The following GPHN variants were observed in gnomAD, a reference collection of about 807,000 sequenced individuals.
GPHN encodes the protein gephyrin.
A neutral mutation model predicts 95.5 loss-of-function variants in GPHN; 17 were observed. The observed-to-expected ratio is 0.18, with a 90% CI of 0.12 to 0.27. GPHN has a LOEUF of 0.27. Among genes scored for constraint, GPHN ranks in the 10% least tolerant of loss-of-function variants. GPHN has a pLI of 1.00. For missense variants in GPHN, 660 were observed against 978.1 expected, an observed-to-expected ratio of 0.67 and a Z score of 4.34; for synonymous variants, 320 against 322.5, an observed-to-expected ratio of 0.99 and a Z score of 0.08.
At chr14:67,397,375 T>C in the GPHN span, among the ~76,000 whole-genome samples, 1 of 152,196 alleles carries the variant, frequency 6.6e-6, no homozygotes, top group Non-Finnish European at 1.5e-5. Flanking sequence ...TCCCAGCCCA[T>C]ACAGTGCTCT....
At chr14:66,633,973 C>A (rs1218932045) in intron 1 of GPHN, among the ~76,000 whole-genome samples, 1 of 148,300 alleles carries the variant, frequency 6.7e-6, no homozygotes, top group Non-Finnish European at 1.5e-5. Flanking sequence ...TTAATAATAT[C>A]TATCTCTGTT....
chr14:67,686,756 A>G, the GPHN span, among the ~76,000 whole-genome samples: 1 of 151,966 alleles, frequency 6.6e-6, no homozygotes. Context: ...ACATACTTCA[A>G]TTTTTTTCTC....
intron 1 of GPHN, among the ~76,000 whole-genome samples, chr14:66,677,626 A>G (rs957445072): frequency 6.6e-6 from 1 of 152,038 alleles, no homozygotes; most frequent in African/African-American, 2.4e-5. Context: ...GTTTTACTCC[A>G]TTATGGTTTG....
the GPHN span, among the ~76,000 whole-genome samples, chr14:67,339,286 C>T: frequency 2.6e-4 from 40 of 152,202 alleles, no homozygotes; most frequent in East Asian, 7.3e-3. Context: ...CATGAGCCAC[C>T]GAGCCCAGCC....
chr14:67,247,825 C>T, the GPHN span, among the ~76,000 whole-genome samples: 8 of 152,048 alleles, frequency 5.3e-5, no homozygotes, highest in Non-Finnish European at 2.9e-5. Flanking sequence ...GCGATCTGCC[C>T]ACCTCAGCCT....
chr14:67,275,441 G>A, the GPHN span, among the ~76,000 whole-genome samples: 1 of 152,138 alleles, frequency 6.6e-6, no homozygotes, highest in African/African-American at 2.4e-5. Flanking sequence ...TGCGTATGTT[G>A]AACCAGCCTT....
At chr14:66,579,141 T>G (rs1194053689) in intron 1 of GPHN, among the ~76,000 whole-genome samples, 1 of 151,830 alleles carries the variant, frequency 6.6e-6, no homozygotes, top group Admixed American at 6.6e-5. Flanking sequence ...AATAGCCTGT[T>G]ACAACCGTAA....
the GPHN span, among the ~76,000 whole-genome samples, chr14:67,544,036 G>C: frequency 6.6e-6 from 1 of 152,124 alleles, no homozygotes; most frequent in Admixed American, 6.6e-5. Flanking sequence ...GGACTGGCCA[G>C]CTGGAGGTTG....
the GPHN span, among the ~76,000 whole-genome samples, chr14:67,457,279 A>C: frequency 2.6e-5 from 4 of 152,298 alleles, no homozygotes; most frequent in East Asian, 7.7e-4. Flanking sequence ...CAACAATTTG[A>C]AAAGTTAGAA....
intron 1 of GPHN, among the ~76,000 whole-genome samples, chr14:66,621,303 G>A (rs2153316636): frequency 6.7e-6 from 1 of 148,208 alleles, no homozygotes; most frequent in African/African-American, 2.5e-5. Flanking sequence ...TTGTAGTAGA[G>A]ATGGGATTTC....
At chr14:67,090,092 T>C (rs1462564262) in intron 12 of GPHN, among the ~76,000 whole-genome samples, 1 of 152,170 alleles carries the variant, frequency 6.6e-6, no homozygotes, top group Non-Finnish European at 1.5e-5. Flanking sequence ...TACATTGTTA[T>C]TATGTTATTG....
the GPHN span, among the ~76,000 whole-genome samples, chr14:67,546,975 C>G: frequency 6.6e-6 from 1 of 152,076 alleles, no homozygotes; most frequent in African/African-American, 2.4e-5. Context: ...AACAGAGTGA[C>G]TGGAAAGCCT....
At chr14:67,407,744 C>A in the GPHN span, among the ~76,000 whole-genome samples, 1 of 152,128 alleles carries the variant, frequency 6.6e-6, no homozygotes, top group Non-Finnish European at 1.5e-5. Context: ...ACCCGGCAGA[C>A]CCCTAACTTT....
the GPHN span, among the ~76,000 whole-genome samples, chr14:67,702,410 C>A: frequency 6.6e-6 from 1 of 151,958 alleles, no homozygotes; most frequent in African/African-American, 2.4e-5. Context: ...TTTCTTAAAC[C>A]AACAATATTA....
chr14:67,086,627 G>T (rs2076899734), intron 11 of GPHN, among the ~76,000 whole-genome samples: 1 of 150,448 alleles, frequency 6.6e-6, no homozygotes, highest in Admixed American at 6.6e-5. Flanking sequence ...ACTCCAGCCT[G>T]GGCGACAGCG....
the GPHN span, chr14:67,454,302 T>A: frequency 1.3e-5 from 2 of 152,390 alleles, no homozygotes; most frequent in East Asian, 1.9e-4. Flanking sequence ...TATAAACCTA[T>A]GCACTATGCA....
intron 8 of GPHN, among the ~76,000 whole-genome samples, chr14:66,953,658 C>T (rs1344499360): frequency 6.6e-6 from 1 of 152,162 alleles, no homozygotes; most frequent in Non-Finnish European, 1.5e-5. Context: ...TTTCTGGACC[C>T]TCAATTCTAT....
intron 1 of GPHN, among the ~76,000 whole-genome samples, chr14:66,531,139 C>T (rs557025050): frequency 6.6e-6 from 1 of 151,884 alleles, no homozygotes; most frequent in African/African-American, 2.4e-5. Flanking sequence ...AGAGAAAGGG[C>T]TTCGTCATGT....
the GPHN span, chr14:67,573,206 T>C: frequency 7.5e-6 from 7 of 936,916 alleles, 1 homozygote; most frequent in Non-Finnish European, 1.2e-5. This position sits in a 1 kb window ranked among gnomAD's most constrained non-coding sequence, Gnocchi z 4.8. Context: ...CTGGACCACT[T>C]GGACCTGTGT....
Sources: allele counts gnomAD v4.1 joint callset (sites outside exome capture counted in the v4.1 genomes callset), GRCh38; gene constraint gnomAD v4.1.1; non-coding constraint Gnocchi (gnomAD v3.1); transcripts MANE v1.5; gene names NCBI Gene and HGNC (gene_info 2026-07-23, HGNC 2026-07-21).